PRKN: variants seen among roughly 807,000 people sequenced by gnomAD.
The protein encoded by PRKN is E3 ubiquitin-protein ligase parkin.
A neutral mutation model predicts 59.5 loss-of-function variants in PRKN; 56 were observed. The ratio of observed to expected loss-of-function variants is 0.94; its 90% confidence interval spans 0.76 to 1.18. PRKN has a LOEUF of 1.18. PRKN is among the 50% of genes most tolerant of loss of function. The pLI is 0.00. For missense variants in PRKN, 657 were observed against 596.4 expected (o/e 1.10, Z -1.06); for synonymous variants, 250 against 222.1 (o/e 1.13, Z -1.12).
At position 161,554,403 on chromosome 6, in the gene PRKN, T is replaced by TACACAC. The variant is rs57551959; in HGVS notation, c.934-5406_934-5401dup. The stretch of plus-strand genomic sequence containing the variant: ...TAACCTTCATGTTATCTTACTTCTA[T>TACACAC]ACACACACACACACACACACACACA... On this transcript the variant is annotated intron_variant, in intron 8 of 11. Coordinates refer to ENST00000366898, the MANE Select transcript of PRKN (RefSeq NM_004562.3). The surrounding 1 kb of genome is among the most constrained non-coding windows in gnomAD (Gnocchi z 4.5). 0.31 allele frequency among the ~76,000 whole-genome samples: 45,206 copies of TACACAC among 146,798 alleles called. 7,221 individuals carry two copies. Among genetic ancestry groups the TACACAC allele is most frequent in the East Asian group, 0.57 (2,836 of 4,956 alleles).
intron 4 of PRKN, among the ~76,000 whole-genome samples, chr6:162,115,961 T>C (rs1422776339): frequency 6.6e-6 from 1 of 152,232 alleles, no homozygotes; most frequent in African/African-American, 2.4e-5. Context: ...GATGTTTTAC[T>C]TCCCGTCTCT....
intron 2 of PRKN, among the ~76,000 whole-genome samples, chr6:162,312,035 A>G (rs1025585837): frequency 1.3e-5 from 2 of 152,036 alleles, no homozygotes; most frequent in Admixed American, 1.3e-4. Flanking sequence ...GTGTGTTTGC[A>G]CACAAAAATC....
intron 2 of PRKN, among the ~76,000 whole-genome samples, chr6:162,425,958 C>T (rs1231611562): frequency 6.6e-6 from 1 of 152,152 alleles, no homozygotes; most frequent in African/African-American, 2.4e-5. Context: ...GAAATGATTT[C>T]TAAAGCTGCA....
intron 6 of PRKN, among the ~76,000 whole-genome samples, chr6:161,884,869 A>C (rs1355421129): frequency 6.6e-6 from 1 of 152,078 alleles, no homozygotes. Flanking sequence ...TAAATTTTGC[A>C]GGTCATGAGG....
intron 1 of PRKN, among the ~76,000 whole-genome samples, chr6:162,488,267 T>C (rs990640864): frequency 4.6e-5 from 7 of 152,176 alleles, no homozygotes; most frequent in African/African-American, 9.7e-5. Flanking sequence ...TCTCCAGGCA[T>C]GCATGTTTTA....
intron 7 of PRKN, among the ~76,000 whole-genome samples, chr6:161,781,896 C>T (rs951974054): frequency 4.6e-5 from 7 of 152,262 alleles, no homozygotes; most frequent in Non-Finnish European, 1.0e-4. Flanking sequence ...TAATTAGAAA[C>T]AAAGCAAAAG....
In PRKN at chr6:161,361,487, G is replaced by T. The variant is rs1254283899; in HGVS notation, c.1168-1282C>A. ...GCCCAGGAAGGCACTAAACTTTCAG[G>T]GGTTACCAAATTTCAGGGGTTACCA... On this transcript the variant is annotated intron_variant, in intron 10 of 11. Transcript: ENST00000366898. The surrounding 1 kb of genome is among the most constrained non-coding windows in gnomAD (Gnocchi z 5.2). Among the ~76,000 whole-genome samples, 1 of 152,114 alleles carries T rather than the reference G, an allele frequency of 6.6e-6. No individual in the cohort carries two copies. Among genetic ancestry groups the T allele is most frequent in the Non-Finnish European group, 1.5e-5 (1 of 68,024 alleles).
chr6:161,833,556 A>T (rs1265796678), intron 6 of PRKN, among the ~76,000 whole-genome samples: 1 of 151,618 alleles, frequency 6.6e-6, no homozygotes, highest in Admixed American at 6.6e-5. Context: ...ATCTCTCTTC[A>T]TTGGTGCGAA....
At chr6:161,801,603 C>G (rs762389225) in intron 6 of PRKN, among the ~76,000 whole-genome samples, 1 of 152,210 alleles carries the variant, frequency 6.6e-6, no homozygotes, top group Non-Finnish European at 1.5e-5. Context: ...AACCTAGAGT[C>G]CACGACTTTC....
chr6:161,427,875 A>G (rs1318066245), intron 9 of PRKN, among the ~76,000 whole-genome samples: 1 of 152,160 alleles, frequency 6.6e-6, no homozygotes, highest in Non-Finnish European at 1.5e-5. Context: ...TGGCTTCTCA[A>G]GCAAATCAGT....
intron 1 of PRKN, among the ~76,000 whole-genome samples, chr6:162,584,010 A>G (rs13220728): frequency 0.12 from 18,649 of 151,968 alleles, 1,243 homozygotes; most frequent in Middle Eastern, 0.2. Context: ...TCAGGAGATC[A>G]AGACCATCCT....
rs1277310970 is a variant in PRKN at position 161,533,101 on chromosome 6, A to G, written c.1083+15753T>C. 6.6e-6 allele frequency among the ~76,000 whole-genome samples: 1 copy of G among 152,220 alleles called. No homozygotes were observed. Among genetic ancestry groups the G allele is most frequent in the Non-Finnish European group, 1.5e-5 (1 of 68,044 alleles). ...TAGTGTACCATATTAGCTATTAAAC[A>G]TTATACAGAGAGTGGTTATGAATTC... On this transcript the variant is annotated intron_variant, in intron 9 of 11. Transcript: ENST00000366898. The surrounding 1 kb of genome is among the most constrained non-coding windows in gnomAD (Gnocchi z 4.1).
chr6:161,440,867 A>C lies in PRKN; in HGVS notation c.1084-53990T>G, dbSNP rs1018749084. Among the ~76,000 whole-genome samples the C allele has an allele frequency of 6.6e-6, 1 of 152,170 alleles. No individual in the cohort carries two copies. Among genetic ancestry groups the C allele is most frequent in the African/African-American group, 2.4e-5 (1 of 41,420 alleles). On this transcript the variant is annotated intron_variant, in intron 9 of 11. Transcript: ENST00000366898. This position sits in a 1 kb window ranked among gnomAD's most constrained non-coding sequence, Gnocchi z 4.1. The stretch of plus-strand genomic sequence containing the variant: ...AAAGACCAGCATCTCTCCAGAATAC[A>C]AATAAGAGTCTAATGTGATAAGAGG...
chr6:162,624,190 G>A (rs1782790416), intron 1 of PRKN, among the ~76,000 whole-genome samples: 2 of 151,098 alleles, frequency 1.3e-5, no homozygotes, highest in African/African-American at 4.9e-5. Context: ...GGAGGTTGCA[G>A]TGAGCTGGGA....
chr6:161,437,819 C>T (rs77595207), intron 9 of PRKN, among the ~76,000 whole-genome samples: 5,244 of 152,230 alleles, frequency 0.034, 144 homozygotes, highest in Non-Finnish European at 0.05. Context: ...ATAAGCATAA[C>T]GTAGTCAAAG....
intron 9 of PRKN, among the ~76,000 whole-genome samples, chr6:161,469,789 A>T (rs1422472522): frequency 6.6e-6 from 1 of 152,192 alleles, no homozygotes; most frequent in Non-Finnish European, 1.5e-5. Flanking sequence ...GTAAGAAAAT[A>T]AATCTGTGTT....
intron 1 of PRKN, among the ~76,000 whole-genome samples, chr6:162,447,023 T>C (rs182683409): frequency 6.6e-6 from 1 of 152,342 alleles, no homozygotes; most frequent in African/African-American, 2.4e-5. Flanking sequence ...GTTAGCTTCC[T>C]GATCTAATAA....
chr6:162,675,288 TC>T (rs1210795420), intron 1 of PRKN, among the ~76,000 whole-genome samples: 3 of 151,086 alleles, frequency 2.0e-5, no homozygotes, highest in South Asian at 2.1e-4. Flanking sequence ...GACCTCATGA[TC>T]CCCCCCGCCT....
chr6:161,987,990 C>T (rs550194977), intron 5 of PRKN, among the ~76,000 whole-genome samples: 47 of 152,196 alleles, frequency 3.1e-4, no homozygotes, highest in Admixed American at 2.6e-3. Context: ...GAACGATGCT[C>T]CCTCTTAGCC....
Sources: allele counts gnomAD v4.1 joint callset (sites outside exome capture counted in the v4.1 genomes callset), GRCh38; gene constraint gnomAD v4.1.1; non-coding constraint Gnocchi (gnomAD v3.1); transcripts MANE v1.5; gene names NCBI Gene and HGNC (gene_info 2026-07-23, HGNC 2026-07-21).